Variants in FNDC7 observed in about 807,000 individuals in gnomAD.
The protein encoded by FNDC7 is fibronectin type III domain containing 7, also known as fibronectin type III domain-containing protein 7.
FNDC7 carries 66 observed loss-of-function variants against 74.2 expected under a neutral mutation model. The observed-to-expected ratio is 0.89, with a 90% CI of 0.73 to 1.09. The LOEUF (loss-of-function observed/expected upper bound fraction) is 1.09, where lower values mean the gene tolerates loss of function less well. FNDC7 is among the 50% of genes least tolerant of loss of function. The pLI is 0.00. For synonymous variants in FNDC7, 307 were observed against 330.2 expected, an observed-to-expected ratio of 0.93 and a Z score of 0.76; for missense variants, 829 against 893.4, an observed-to-expected ratio of 0.93 and a Z score of 0.92.
chr1:108,735,012 T>C (rs1353150615), intron 10 of FNDC7, among the ~76,000 whole-genome samples: 1 of 152,140 alleles, frequency 6.6e-6, no homozygotes, highest in Non-Finnish European at 1.5e-5. Flanking sequence ...TCAAATTTGA[T>C]ACCTCCACCT....
At position 108,727,817 on chromosome 1, in the gene FNDC7, G is replaced by T; in HGVS notation, c.1121G>T (p.Cys374Phe). Residue 374 changes from cysteine (C) to phenylalanine (F), a missense_variant, in exon 7 of 13, where the codon TGT (cysteine) becomes TTT (phenylalanine). Coordinates refer to ENST00000370017, the MANE Select transcript of FNDC7 (RefSeq NM_001144937.3). ...CTGCTCCTGCTTTCAGCTCCCTGTT[G>T]TCCTAGTGACATTAACCCCGTGTTG... The part of the protein sequence containing the change: ...DIFNYTTAPC[C>F]PSDINPVLVS... 6.2e-7 allele frequency: 1 copy of T among 1,614,086 alleles called. No individual in the cohort carries two copies. Among genetic ancestry groups the T allele is most frequent in the East Asian group, 2.2e-5 (1 of 44,876 alleles).
Position 108,722,608 on chromosome 1 carries a change from T to A in FNDC7, c.856+16T>A. 1 of 1,600,878 alleles carries A rather than the reference T, an allele frequency of 6.2e-7. No homozygotes were observed. The highest frequency in any genetic ancestry group is 8.5e-7 in the Non-Finnish European group (1 of 1,170,938). On this transcript the variant is annotated intron_variant, in intron 5 of 12. Coordinates refer to ENST00000370017, the MANE Select transcript of FNDC7 (RefSeq NM_001144937.3). Reference sequence around the variant, plus strand: ...CTGAAAACTGGTATGTAAACAAGAGTGAGACTGCTGTCGGGCTTGCAGCCC... The same window carrying A: ...CTGAAAACTGGTATGTAAACAAGAGAGAGACTGCTGTCGGGCTTGCAGCCC...
intron 6 of FNDC7, among the ~76,000 whole-genome samples, 184 bp from the exon 7 acceptor site, chr1:108,727,624 G>C (rs575471390): frequency 6.6e-6 from 1 of 152,270 alleles, no homozygotes; most frequent in African/African-American, 2.4e-5. Flanking sequence ...GTCATGCTGA[G>C]GATTTACCCT....
chr1:108,728,866 A>G lies in FNDC7; in HGVS notation c.1604A>G (p.Tyr535Cys). 2 of 1,614,028 alleles carry G rather than the reference A, an allele frequency of 1.2e-6. No individual in the cohort carries two copies. Among genetic ancestry groups the G allele is most frequent in the East Asian group, 2.2e-5 (1 of 44,888 alleles). ...ETQAGRSLPS[Y>C]SVPLETVPCC... Reference sequence around the variant, plus strand: ...CAGGCAGGACGGAGCCTGCCCAGCTACAGTGTGCCCCTGGAAACAGGTATG... The same window carrying G: ...CAGGCAGGACGGAGCCTGCCCAGCTGCAGTGTGCCCCTGGAAACAGGTATG... The change falls in exon 8 of 13, where the codon TAC (tyrosine) becomes TGC (cysteine). Residue 535 changes from tyrosine to cysteine, a missense_variant. Tyr to Cys is a radical substitution (Grantham distance 194). Coordinates refer to ENST00000370017, the MANE Select transcript of FNDC7 (RefSeq NM_001144937.3).
Position 108,725,969 on chromosome 1 carries a change from A to G in FNDC7, c.1076A>G (p.Gln359Arg), listed in dbSNP as rs1661209225. 1 of 1,614,214 alleles carries G rather than the reference A, an allele frequency of 6.2e-7. No individual in the cohort carries two copies. Residue 359 changes from glutamine to arginine, a missense_variant, in exon 6 of 13, where the codon CAA becomes CGA. Transcript: ENST00000370017. Reference protein sequence around the residue: ...ISVFVYNKAGQSPLGDIFNYT... With the variant: ...ISVFVYNKAGRSPLGDIFNYT... ...GTTTTTGTCTATAACAAGGCAGGGC[A>G]AAGTCCTTTGGGTGACATATTCAAT... is the stretch of plus-strand genomic sequence containing the variant.
At position 108,727,200 on chromosome 1, in the gene FNDC7, C is replaced by T. The variant is rs1661238830; in HGVS notation, c.1112-608C>T. Reference sequence around the variant, plus strand: ...ATTAGCTGGACGTGGTGGCATGTGCCTGTAATTCCAGCTACTCCAGAGGCT... The same window carrying T: ...ATTAGCTGGACGTGGTGGCATGTGCTTGTAATTCCAGCTACTCCAGAGGCT... On this transcript the variant is annotated intron_variant, in intron 6 of 12. Transcript: ENST00000370017. Among the ~76,000 whole-genome samples the T allele has an allele frequency of 2.6e-5, 4 of 152,250 alleles. No individual in the cohort carries two copies. The South Asian group carries it at 8.3e-4, about 32-fold the overall frequency.
Position 108,722,555 on chromosome 1 carries a change from A to T in FNDC7, c.819A>T (p.Gly273=). The T allele has an allele frequency of 6.2e-7, 1 of 1,614,104 alleles. No homozygotes were observed. The highest frequency in any genetic ancestry group is 8.5e-7 in the Non-Finnish European group (1 of 1,179,968). The change falls in exon 5 of 13, where the codon GGA becomes GGT. Residue 273 remains glycine (G), a synonymous_variant. Coordinates refer to ENST00000370017, the MANE Select transcript of FNDC7 (RefSeq NM_001144937.3). ...CAGTTTTAGCAAGTAATGATGCTGG[A>T]TCTAGCAAATCATCTTCAGCAATGA... ...LISVLASNDA[G]SSKSSSAMTL...
At chr1:108,719,905 G>T (rs1222909734) in intron 4 of FNDC7, among the ~76,000 whole-genome samples, 1 of 152,220 alleles carries the variant, frequency 6.6e-6, no homozygotes, top group Non-Finnish European at 1.5e-5. Flanking sequence ...CACAGGAAAG[G>T]ATGGAAAGAA....
At chr1:108,726,301 G>A (rs1299450733) in intron 6 of FNDC7, among the ~76,000 whole-genome samples, 3 of 152,158 alleles carry the variant, frequency 2.0e-5, no homozygotes, top group African/African-American at 4.8e-5. Context: ...TCTAGCATGT[G>A]CTGCTGCCAG....
At chr1:108,733,864 G>A (rs1169065658) in intron 10 of FNDC7, among the ~76,000 whole-genome samples, 1 of 151,878 alleles carries the variant, frequency 6.6e-6, no homozygotes. Flanking sequence ...TGGCCAGGCT[G>A]GTCATGAACT....
chr1:108,736,234 G>T (rs1661511446), intron 10 of FNDC7, among the ~76,000 whole-genome samples: 2 of 152,060 alleles, frequency 1.3e-5, no homozygotes, highest in South Asian at 4.2e-4. Flanking sequence ...TCTATGTCAT[G>T]TTCTGGAGCT....
intron 5 of FNDC7, among the ~76,000 whole-genome samples, chr1:108,724,382 T>C (rs1370777402): frequency 6.6e-6 from 1 of 152,060 alleles, no homozygotes; most frequent in African/African-American, 2.4e-5. Flanking sequence ...CTTAACTCTA[T>C]GCTTAAGATG....
intron 4 of FNDC7, among the ~76,000 whole-genome samples, chr1:108,721,714 T>C (rs1238513034): frequency 6.6e-6 from 1 of 152,236 alleles, no homozygotes; most frequent in Non-Finnish European, 1.5e-5. Context: ...GTTAAGTGTT[T>C]TGGAGACACT....
chr1:108,732,239 G>A (rs1222812510), intron 9 of FNDC7, among the ~76,000 whole-genome samples: 4 of 149,692 alleles, frequency 2.7e-5, no homozygotes, highest in Non-Finnish European at 5.9e-5. Flanking sequence ...GGCGCCTGTA[G>A]TCCCAGCTAC....
At chr1:108,731,757 G>A (rs1661360484) in intron 9 of FNDC7, among the ~76,000 whole-genome samples, 1 of 152,184 alleles carries the variant, frequency 6.6e-6, no homozygotes, top group Non-Finnish European at 1.5e-5. Flanking sequence ...CTTCGAAGTT[G>A]TTTTGAGAAT....
At chr1:108,729,693 A>G (rs1194677427) in intron 8 of FNDC7, among the ~76,000 whole-genome samples, 1 of 152,256 alleles carries the variant, frequency 6.6e-6, no homozygotes, top group African/African-American at 2.4e-5. Flanking sequence ...AGAGCTCCAT[A>G]AAAGAAAACT....
At chr1:108,740,021 CAT>C (rs1661601491) in intron 11 of FNDC7, among the ~76,000 whole-genome samples, 3 of 113,758 alleles carry the variant, frequency 2.6e-5, no homozygotes, top group Non-Finnish European at 5.5e-5. Context: ...CCCTCAACGC[CAT>C]CTCTCTAAAA....
intron 7 of FNDC7, among the ~76,000 whole-genome samples, chr1:108,728,276 C>T (rs1023912801): frequency 2.0e-5 from 3 of 152,112 alleles, no homozygotes; most frequent in South Asian, 2.1e-4. Flanking sequence ...GGGGAGACCA[C>T]GGGGAGAGTA....
At chr1:108,732,367 A>G (rs1661407662) in intron 9 of FNDC7, among the ~76,000 whole-genome samples, 2 of 145,324 alleles carry the variant, frequency 1.4e-5, no homozygotes, top group South Asian at 4.4e-4. Context: ...AAAAATACTA[A>G]TCAGCTACCA....
Sources: allele counts gnomAD v4.1 joint callset (sites outside exome capture counted in the v4.1 genomes callset), GRCh38; gene constraint gnomAD v4.1.1; transcripts MANE v1.5; gene names NCBI Gene and HGNC (gene_info 2026-07-23, HGNC 2026-07-21).